The following ATG5 variants were observed in gnomAD, a reference collection of about 807,000 sequenced individuals.
ATG5 encodes autophagy related 5.
Under a neutral mutation model 36.5 loss-of-function variants are expected in ATG5, and 14 were observed. The ratio of observed to expected loss-of-function variants is 0.38; its 90% CI spans 0.25 to 0.60. ATG5 has a LOEUF of 0.60. ATG5 is among the 20% of genes least tolerant of loss of function. The pLI is 0.60. For missense variants in ATG5, 195 were observed against 326.7 expected (o/e 0.60, Z 3.11); for synonymous variants, 95 against 101.5 (o/e 0.94, Z 0.38).
At chr6:106,293,285 A>G (rs1053502674) in intron 3 of ATG5, among the ~76,000 whole-genome samples, 179 bp from the exon 4 acceptor site, 1 of 152,234 alleles carries the variant, frequency 6.6e-6, no homozygotes, top group Non-Finnish European at 1.5e-5. Context: ...TCCAGGCATC[A>G]GGTGGTTTCC....
chr6:106,312,027 C>T (rs1770665171), intron 2 of ATG5, among the ~76,000 whole-genome samples: 1 of 152,136 alleles, frequency 6.6e-6, no homozygotes, highest in Non-Finnish European at 1.5e-5. Context: ...AGATGGGTTT[C>T]ACCATGTTGG....
At chr6:106,280,032 T>TA (rs967162748) in intron 4 of ATG5, among the ~76,000 whole-genome samples, 13 of 152,180 alleles carry the variant, frequency 8.5e-5, no homozygotes, top group African/African-American at 3.1e-4. Flanking sequence ...TTATGTGTTT[T>TA]ATAACAACAT....
chr6:106,224,414 C>T (rs1384535461), intron 6 of ATG5, among the ~76,000 whole-genome samples: 2 of 152,054 alleles, frequency 1.3e-5, no homozygotes, highest in East Asian at 3.9e-4. Flanking sequence ...TGCAACTCAA[C>T]AAAAGTGATC....
At chr6:106,249,716 A>G (rs1582609007) in intron 5 of ATG5, among the ~76,000 whole-genome samples, 2 of 152,182 alleles carry the variant, frequency 1.3e-5, no homozygotes. Context: ...ACTACCTTAC[A>G]TTTCCACCAG....
intron 2 of ATG5, among the ~76,000 whole-genome samples, chr6:106,314,898 T>TA (rs1770783672): frequency 6.6e-6 from 1 of 152,194 alleles, no homozygotes; most frequent in Admixed American, 6.5e-5. Context: ...CACGTGTATA[T>TA]AAGCTTGAGT....
At chr6:106,311,639 C>G (rs1297143663) in intron 2 of ATG5, among the ~76,000 whole-genome samples, 1 of 151,998 alleles carries the variant, frequency 6.6e-6, no homozygotes, top group East Asian at 1.9e-4. Flanking sequence ...AAGCCAGGAG[C>G]CAGATTATCG....
At chr6:106,318,573 T>C (rs550670194) in intron 1 of ATG5, among the ~76,000 whole-genome samples, 11 of 152,306 alleles carry the variant, frequency 7.2e-5, no homozygotes, top group African/African-American at 2.4e-4. Context: ...GAAAGATAAA[T>C]TGGTACTTTA....
chr6:106,282,287 T>C (rs2114607229), intron 4 of ATG5, among the ~76,000 whole-genome samples: 1 of 152,352 alleles, frequency 6.6e-6, no homozygotes, highest in East Asian at 1.9e-4. Flanking sequence ...TGTCCATTTC[T>C]GCAAGCAAAG....
intron 7 of ATG5, among the ~76,000 whole-genome samples, chr6:106,195,253 A>C (rs62422861): frequency 3.4e-4 from 52 of 152,224 alleles, no homozygotes; most frequent in Non-Finnish European, 5.1e-4. Flanking sequence ...AGTAGAAGAC[A>C]ATGGTGCCAC....
At chr6:106,260,762 C>T (rs1362558164) in intron 5 of ATG5, among the ~76,000 whole-genome samples, 1 of 152,144 alleles carries the variant, frequency 6.6e-6, no homozygotes, top group Non-Finnish European at 1.5e-5. Context: ...AAGAAACTAG[C>T]ACTGCAACAG....
intron 3 of ATG5, among the ~76,000 whole-genome samples, chr6:106,294,216 G>C (rs1344300427): frequency 6.6e-6 from 1 of 152,016 alleles, no homozygotes; most frequent in Admixed American, 6.5e-5. Context: ...GTCTTTATCT[G>C]TATAATCTAT....
intron 6 of ATG5, 89 bp from the exon 7 acceptor site, chr6:106,202,178 T>A: frequency 1.1e-6 from 1 of 945,854 alleles, no homozygotes; most frequent in Non-Finnish European, 1.7e-6. Context: ...TATGTTGGCA[T>A]TAGGTGCCTT....
intron 6 of ATG5, among the ~76,000 whole-genome samples, chr6:106,202,772 A>C (rs1776480162): frequency 1.3e-5 from 2 of 152,066 alleles, no homozygotes; most frequent in Non-Finnish European, 1.5e-5. Flanking sequence ...AGTGATTCTC[A>C]TGGCTCAGCC....
chr6:106,215,492 A>C (rs1777000497), intron 6 of ATG5, among the ~76,000 whole-genome samples: 1 of 152,222 alleles, frequency 6.6e-6, no homozygotes, highest in African/African-American at 2.4e-5. Flanking sequence ...GGGAAATTTC[A>C]TAAAAATTCT....
intron 7 of ATG5, 81 bp downstream of exon 7, chr6:106,201,888 CCTG>C: frequency 1.0e-6 from 1 of 979,604 alleles, no homozygotes; most frequent in Non-Finnish European, 1.5e-6. Context: ...CCTGAAATAA[CCTG>C]TTGTTTATAA....
chr6:106,229,865 C>T (rs182723173), intron 6 of ATG5, among the ~76,000 whole-genome samples: 4 of 152,238 alleles, frequency 2.6e-5, no homozygotes, highest in Admixed American at 6.5e-5. Context: ...CACACCTCAC[C>T]GGTTCAGAAT....
intron 6 of ATG5, among the ~76,000 whole-genome samples, chr6:106,240,879 G>A (rs1317961355): frequency 6.6e-6 from 1 of 152,182 alleles, no homozygotes; most frequent in Non-Finnish European, 1.5e-5. Flanking sequence ...TAGGCTGGGT[G>A]CGGTGGCTCA....
At chr6:106,226,900 G>A (rs958939312) in intron 6 of ATG5, among the ~76,000 whole-genome samples, 3 of 152,024 alleles carry the variant, frequency 2.0e-5, no homozygotes, top group African/African-American at 7.2e-5. Context: ...TCTAAAGATA[G>A]GTCAATTGCG....
At chr6:106,187,670 C>A (rs753598984) in intron 7 of ATG5, among the ~76,000 whole-genome samples, 1 of 152,022 alleles carries the variant, frequency 6.6e-6, no homozygotes, top group Non-Finnish European at 1.5e-5. Context: ...GGAGAAATAC[C>A]CTACGTTTTC....
Sources: gnomAD v4.1 joint callset for allele counts (sites outside exome capture counted in the v4.1 genomes callset) on GRCh38, gnomAD v4.1.1 for gene constraint, MANE v1.5 for transcripts, NCBI Gene and HGNC (gene_info 2026-07-23, HGNC 2026-07-21) for gene names.